MAP3K5: variants seen among roughly 807,000 people sequenced by gnomAD.
MAP3K5 encodes mitogen-activated protein kinase kinase kinase 5.
A neutral mutation model predicts 158.7 loss-of-function variants in MAP3K5; 56 were observed. The ratio of observed to expected loss-of-function variants is 0.35; its 90% CI spans 0.28 to 0.44. The LOEUF is 0.44. Among genes scored for constraint, MAP3K5 ranks in the 20% least tolerant of loss-of-function variants. The pLI, the probability that MAP3K5 is intolerant of heterozygous loss-of-function variation, is 1.00. For missense variants in MAP3K5, 1,294 were observed against 1,674.8 expected (o/e 0.77, Z 3.97); for synonymous variants, 579 against 601.7 (o/e 0.96, Z 0.55).
At chr6:136,776,607 G>C (rs1382993699) in intron 1 of MAP3K5, among the ~76,000 whole-genome samples, 1 of 152,176 alleles carries the variant, frequency 6.6e-6, no homozygotes. Flanking sequence ...CACAGGTGAG[G>C]ATGTTATAAA....
intron 1 of MAP3K5, among the ~76,000 whole-genome samples, chr6:136,781,533 C>T (rs1784612010): frequency 6.6e-6 from 1 of 152,170 alleles, no homozygotes; most frequent in Admixed American, 6.5e-5. Context: ...AACGAAACAT[C>T]TGTATTGTTT....
chr6:136,724,814 T>C (rs776813186), intron 1 of MAP3K5, among the ~76,000 whole-genome samples: 4 of 152,168 alleles, frequency 2.6e-5, no homozygotes, highest in African/African-American at 4.8e-5. Flanking sequence ...ATTCATTCTC[T>C]TTGTCTCTGA....
intron 14 of MAP3K5, among the ~76,000 whole-genome samples, chr6:136,634,495 T>C (rs776250258): frequency 2.6e-5 from 4 of 152,208 alleles, no homozygotes; most frequent in Admixed American, 6.5e-5. Flanking sequence ...TTGGGAATAC[T>C]GTAGAAGCCA....
chr6:136,568,668 T>A (rs1266161867), intron 25 of MAP3K5, among the ~76,000 whole-genome samples: 1 of 149,592 alleles, frequency 6.7e-6, no homozygotes, highest in Non-Finnish European at 1.5e-5. Context: ...AGGTCAGGAG[T>A]TTGAGACCAG....
chr6:136,773,063 T>C (rs530040314), intron 1 of MAP3K5, among the ~76,000 whole-genome samples: 46 of 152,312 alleles, frequency 3.0e-4, no homozygotes, highest in Middle Eastern at 3.4e-3. Context: ...TTTCAGTCAA[T>C]TAAAATTAGC....
At chr6:136,604,765 CTCTTT>C (rs1776029373) in intron 19 of MAP3K5, among the ~76,000 whole-genome samples, 1 of 48,092 alleles carries the variant, frequency 2.1e-5, no homozygotes, top group African/African-American at 1.8e-4. Context: ...GGTAATTATG[CTCTTT>C]TTTTTTTAAA....
chr6:136,684,733 T>C (rs1053553209), intron 7 of MAP3K5, among the ~76,000 whole-genome samples: 5 of 152,192 alleles, frequency 3.3e-5, no homozygotes, highest in Admixed American at 6.5e-5. Context: ...AACTAGCATG[T>C]GACGGGCACC....
Position 136,748,154 on chromosome 6 carries a change from T to C in MAP3K5, c.449-27565A>G, listed in dbSNP as rs80271440. 1.7e-3 allele frequency among the ~76,000 whole-genome samples: 258 copies of C among 152,362 alleles called. 2 individuals are homozygous for C. Among genetic ancestry groups the C allele is most frequent in the African/African-American group, 6.0e-3 (249 of 41,584 alleles). On this transcript the variant is annotated intron_variant, in intron 1 of 29. Transcript: ENST00000359015. ...CCATGTAGGCATAGAGTATACAATA[T>C]TATCCATTTCACATCCTTAGTCAGT...
intron 7 of MAP3K5, among the ~76,000 whole-genome samples, chr6:136,683,434 C>A (rs1780017458): frequency 6.6e-6 from 1 of 152,178 alleles, no homozygotes; most frequent in African/African-American, 2.4e-5. Context: ...AGGGGCAGCC[C>A]AAGGTCAAAG....
At position 136,694,179 on chromosome 6, in the gene MAP3K5, T is replaced by A; in HGVS notation, c.1214A>T (p.Asn405Ile). ...RIYKDMFLDS[N>I]FTDTESRDHG... ...GTCTCTGCTTTCAGTGTCCGTGAAA[T>A]TAGAGTCCAAAAACATATCTTTGTA... The change falls in exon 7 of 30, where the codon AAT becomes ATT. Residue 405 changes from asparagine to isoleucine, a missense_variant. This residue lies in a region of MAP3K5 where 690 missense variants were observed against 870.5 expected (regional missense o/e 0.79). Transcript: ENST00000359015. 1 of 1,613,712 alleles carries A rather than the reference T, an allele frequency of 6.2e-7. No homozygotes were observed. The highest frequency in any genetic ancestry group is 1.1e-5 in the South Asian group (1 of 91,014).
Position 136,746,287 on chromosome 6 carries a change from A to AGG in MAP3K5, c.449-25700_449-25699dup, listed in dbSNP as rs137967340. ...ATGAAATAAATTTCATAAAATTTTG[A>AGG]GGGGGGGGCAGGAAAATACAAATAC... On this transcript the variant is annotated intron_variant, in intron 1 of 29. Coordinates refer to ENST00000359015, the MANE Select transcript of MAP3K5 (RefSeq NM_005923.4). Among the ~76,000 whole-genome samples, 372 of 151,436 alleles carry AGG rather than the reference A, an allele frequency of 2.5e-3. 2 individuals carry two copies. The highest frequency in any genetic ancestry group is 8.6e-3 in the African/African-American group (352 of 41,134).
At chr6:136,712,692 A>C (rs1213617197) in intron 2 of MAP3K5, among the ~76,000 whole-genome samples, 1 of 152,178 alleles carries the variant, frequency 6.6e-6, no homozygotes, top group Non-Finnish European at 1.5e-5. Flanking sequence ...TCCCCACCCA[A>C]ATCTCAACTC....
chr6:136,619,440 T>C lies in MAP3K5; in HGVS notation c.2150+3408A>G, dbSNP rs1776707736. ...ATTTTTAAAAATAGATGTTATTTCT[T>C]AGAGCAGTTCGTAAGTTCACAGAAA... On this transcript the variant is annotated intron_variant, in intron 15 of 29. Transcript: ENST00000359015. Among the ~76,000 whole-genome samples, 3 of 152,152 alleles carry C rather than the reference T, an allele frequency of 2.0e-5. No homozygotes were observed. In the South Asian group the frequency reaches 6.2e-4, roughly 32 times the overall value.
Position 136,720,511 on chromosome 6 carries a change from C to T in MAP3K5, c.527G>A (p.Ser176Asn). The change falls in exon 2 of 30, where the codon AGC (serine) becomes AAC (asparagine). Residue 176 changes from serine (S) to asparagine (N), a missense_variant. Transcript: ENST00000359015. ...GTAGAGGATGATGTTGTTGGCCATG[C>T]TGAAACTTTCTCTCACCCCAAGGTG... is the stretch of plus-strand genomic sequence containing the variant. ...FYHLGVRESF[S>N]MANNIILYCD... 1 of 1,613,532 alleles carries T rather than the reference C, an allele frequency of 6.2e-7. No individual in the cohort carries two copies. The highest frequency in any genetic ancestry group is 1.1e-5 in the South Asian group (1 of 90,984).
At chr6:136,742,430 GA>G (rs900670451) in intron 1 of MAP3K5, among the ~76,000 whole-genome samples, 20 of 140,600 alleles carry the variant, frequency 1.4e-4, no homozygotes, top group East Asian at 1.0e-3. Context: ...ACCTCTACAT[GA>G]AAAAAAAAAC....
chr6:136,714,397 G>A lies in MAP3K5; in HGVS notation c.588+6053C>T, dbSNP rs1781436217. On this transcript the variant is annotated intron_variant, in intron 2 of 29. Coordinates refer to ENST00000359015, the MANE Select transcript of MAP3K5 (RefSeq NM_005923.4). Reference sequence around the variant, plus strand: ...ATATGAATGAGTGCCAGAAAGACAAGACTCCGTGTTTAAGTTCTAAAGGAG... The same window carrying A: ...ATATGAATGAGTGCCAGAAAGACAAAACTCCGTGTTTAAGTTCTAAAGGAG... Among the ~76,000 whole-genome samples, 3 of 152,182 alleles carry A rather than the reference G, an allele frequency of 2.0e-5. No homozygotes were observed. The South Asian group carries it at 6.2e-4, about 31-fold the overall frequency.
chr6:136,619,642 T>A (rs1776716262), intron 15 of MAP3K5, among the ~76,000 whole-genome samples: 1 of 152,128 alleles, frequency 6.6e-6, no homozygotes, highest in Non-Finnish European at 1.5e-5. Flanking sequence ...CCTCTGTGAC[T>A]CCTCAAAGAA....
chr6:136,661,019 T>C (rs1024186286), intron 8 of MAP3K5, among the ~76,000 whole-genome samples: 1 of 152,114 alleles, frequency 6.6e-6, no homozygotes, highest in Non-Finnish European at 1.5e-5. Flanking sequence ...AATAGAAATG[T>C]TTTTTGAACT....
chr6:136,781,802 C>T (rs1784622947), intron 1 of MAP3K5, among the ~76,000 whole-genome samples: 1 of 152,184 alleles, frequency 6.6e-6, no homozygotes, highest in South Asian at 2.1e-4. Flanking sequence ...AAATATCTAG[C>T]TACAGGCCAA....
Sources: gnomAD v4.1 joint callset for allele counts (sites outside exome capture counted in the v4.1 genomes callset) on GRCh38, gnomAD v4.1.1 for gene constraint, gnomAD v4.1.1 regional missense constraint, MANE v1.5 for transcripts, NCBI Gene and HGNC (gene_info 2026-07-23, HGNC 2026-07-21) for gene names.